ANAPC10: variants seen among roughly 807,000 people sequenced by gnomAD.
The protein encoded by ANAPC10 is anaphase promoting complex subunit 10, also known as anaphase-promoting complex subunit 10.
ANAPC10 carries 12 observed loss-of-function variants against 22.0 expected under a neutral mutation model. The observed-to-expected ratio is 0.55, with a 90% CI of 0.35 to 0.88. The LOEUF is 0.88. Ranked by LOEUF, ANAPC10 falls within the 40% of genes least tolerant of loss-of-function variation. The pLI is 0.01. For missense variants in ANAPC10, 188 were observed against 220.9 expected (o/e 0.85, Z 0.94); for synonymous variants, 65 against 69.5 (o/e 0.94, Z 0.32).
At chr4:145,036,310 T>A (rs1386196293) in intron 4 of ANAPC10, among the ~76,000 whole-genome samples, 12 of 152,340 alleles carry the variant, frequency 7.9e-5, no homozygotes, top group African/African-American at 2.9e-4. Flanking sequence ...CAGCTTTAAA[T>A]ATAGATACGT....
At chr4:145,091,463 A>T (rs765085711) in intron 2 of ANAPC10, among the ~76,000 whole-genome samples, 7 of 152,196 alleles carry the variant, frequency 4.6e-5, no homozygotes, top group Non-Finnish European at 7.3e-5. Flanking sequence ...AATATTTGAT[A>T]CAATAATGGA....
intron 4 of ANAPC10, among the ~76,000 whole-genome samples, chr4:145,055,383 C>T (rs1741893724): frequency 6.6e-6 from 1 of 152,074 alleles, no homozygotes; most frequent in African/African-American, 2.4e-5. Flanking sequence ...AATGGTGAAA[C>T]CCTGTCTACA....
chr4:145,008,189 A>C (rs1286593291), intron 4 of ANAPC10, among the ~76,000 whole-genome samples: 2 of 152,206 alleles, frequency 1.3e-5, no homozygotes, highest in African/African-American at 4.8e-5. Context: ...TTGAGGCAAT[A>C]ATTAATAGCT....
At chr4:145,091,051 A>G (rs1747604803) in intron 2 of ANAPC10, among the ~76,000 whole-genome samples, 2 of 152,242 alleles carry the variant, frequency 1.3e-5, no homozygotes, top group Admixed American at 6.5e-5. Flanking sequence ...TCATATAATG[A>G]TATTTCACTG....
intron 2 of ANAPC10, among the ~76,000 whole-genome samples, chr4:145,086,307 T>A (rs976681808): frequency 6.6e-6 from 1 of 152,202 alleles, no homozygotes; most frequent in Admixed American, 6.5e-5. Flanking sequence ...CAAAGACGTA[T>A]CTATGATAAC....
chr4:144,998,864 C>T (rs568105783), intron 4 of ANAPC10, among the ~76,000 whole-genome samples: 149 of 151,806 alleles, frequency 9.8e-4, no homozygotes, highest in African/African-American at 2.8e-3. Context: ...ATTGATAGAC[C>T]GCTAGCAACA....
chr4:145,081,213 T>C (rs1472900670), intron 3 of ANAPC10, among the ~76,000 whole-genome samples: 5 of 149,210 alleles, frequency 3.4e-5, no homozygotes, highest in African/African-American at 4.9e-5. Context: ...AAAATGTCCT[T>C]AAAGGTTCTA....
chr4:145,071,138 G>C (rs966203562), intron 3 of ANAPC10, among the ~76,000 whole-genome samples: 6 of 152,210 alleles, frequency 3.9e-5, no homozygotes, highest in African/African-American at 1.4e-4. Flanking sequence ...CAGGAACAGT[G>C]GCTCATGCCT....
chr4:145,024,279 T>A (rs919937945), intron 4 of ANAPC10, among the ~76,000 whole-genome samples: 4 of 152,236 alleles, frequency 2.6e-5, no homozygotes, highest in Non-Finnish European at 5.9e-5. Flanking sequence ...CAAACTCTTG[T>A]TAATGTTCGT....
intron 4 of ANAPC10, among the ~76,000 whole-genome samples, chr4:145,049,328 AT>A (rs1332059106): frequency 2.0e-5 from 3 of 152,216 alleles, no homozygotes; most frequent in African/African-American, 7.2e-5. Flanking sequence ...TTCATGAAAA[AT>A]ATTCTCTGTA....
chr4:145,043,599 A>G (rs1374640563), intron 4 of ANAPC10, among the ~76,000 whole-genome samples: 2 of 152,170 alleles, frequency 1.3e-5, no homozygotes, highest in Non-Finnish European at 2.9e-5. Context: ...TTCTTACTTT[A>G]GGTGAAATAT....
chr4:145,059,926 C>G (rs938279102), intron 4 of ANAPC10, among the ~76,000 whole-genome samples: 32 of 152,022 alleles, frequency 2.1e-4, no homozygotes, highest in African/African-American at 7.7e-4. Flanking sequence ...AAACATAATG[C>G]TAAAACGCAA....
At position 145,064,562 on chromosome 4, in the gene ANAPC10, A is replaced by G; in HGVS notation, c.327+10T>C. ...AGGATGACATATTTTTAAAAATTTG[A>G]AAGACATACCCGAATTTCTTGAAGG... is the stretch of plus-strand genomic sequence containing the variant. On this transcript the variant is annotated intron_variant, in intron 4 of 4. Coordinates refer to ENST00000507656, the MANE Select transcript of ANAPC10 (RefSeq NM_001256706.2). The G allele has an allele frequency of 1.3e-6, 2 of 1,597,468 alleles. No homozygotes were observed. The highest frequency in any genetic ancestry group is 1.7e-6 in the Non-Finnish European group (2 of 1,172,740).
intron 2 of ANAPC10, among the ~76,000 whole-genome samples, chr4:145,083,817 A>G (rs1746455600): frequency 6.6e-6 from 1 of 152,214 alleles, no homozygotes; most frequent in African/African-American, 2.4e-5. Context: ...GCAAAAATGC[A>G]GTTAATCTTT....
At chr4:145,003,789 GTTC>G (rs550391904) in intron 4 of ANAPC10, among the ~76,000 whole-genome samples, 179 of 152,226 alleles carry the variant, frequency 1.2e-3, no homozygotes, top group African/African-American at 4.0e-3. Context: ...TTCTAGCTTT[GTTC>G]TTCTTGTGTA....
At chr4:145,060,904 GA>G (rs1368950579) in intron 4 of ANAPC10, among the ~76,000 whole-genome samples, 1 of 151,232 alleles carries the variant, frequency 6.6e-6, no homozygotes, top group South Asian at 2.1e-4. Flanking sequence ...AACTTAGAAA[GA>G]AAAAAAGGTA....
At chr4:145,029,666 G>A (rs879338742) in intron 4 of ANAPC10, among the ~76,000 whole-genome samples, 15 of 152,184 alleles carry the variant, frequency 9.9e-5, no homozygotes, top group African/African-American at 3.1e-4. Flanking sequence ...TTATTTCCTT[G>A]GTTAGCTGAA....
At chr4:145,085,961 T>C (rs924595948) in intron 2 of ANAPC10, among the ~76,000 whole-genome samples, 1 of 151,938 alleles carries the variant, frequency 6.6e-6, no homozygotes, top group Non-Finnish European at 1.5e-5. Context: ...CCTCCTGGGT[T>C]CAAGCAATTC....
chr4:145,006,297 A>C (rs1413556277), intron 4 of ANAPC10, among the ~76,000 whole-genome samples: 1 of 152,108 alleles, frequency 6.6e-6, no homozygotes, highest in Non-Finnish European at 1.5e-5. Flanking sequence ...AAAATCTGCC[A>C]ATCAAGTGGA....
Sources: gnomAD v4.1 joint callset for allele counts (sites outside exome capture counted in the v4.1 genomes callset) on GRCh38, gnomAD v4.1.1 for gene constraint, MANE v1.5 for transcripts, NCBI Gene and HGNC (gene_info 2026-07-23, HGNC 2026-07-21) for gene names.